Variants in OR51B5 observed in about 807,000 individuals in gnomAD.
OR51B5 encodes olfactory receptor 51B5.
For missense variants in OR51B5, 456 were observed against 374.6 expected, an observed-to-expected ratio of 1.22 and a Z score of -1.79; for synonymous variants, 186 against 144.8, an observed-to-expected ratio of 1.28 and a Z score of -2.04.
intron 1 of OR51B5, among the ~76,000 whole-genome samples, chr11:5,386,702 G>A (rs573830338): frequency 2.6e-5 from 4 of 151,992 alleles, no homozygotes; most frequent in South Asian, 2.1e-4. Flanking sequence ...TTGAATGACA[G>A]GTCAGGCAAG....
At chr11:5,470,170 C>T (rs1851205643) in intron 1 of OR51B5, among the ~76,000 whole-genome samples, 2 of 152,296 alleles carry the variant, frequency 1.3e-5, no homozygotes, top group South Asian at 4.1e-4. Context: ...TTAAATTTGA[C>T]ACTGTGCAAG....
downstream of OR51B5, chr11:5,340,337 TTTTATTTATTATCA>T (rs746603232): frequency 1.3e-5 from 2 of 152,134 alleles, no homozygotes; most frequent in East Asian, 3.9e-4. Context: ...TGAAGATTCT[TTTTATTTATTATCA>T]TTTCTTTATC....
intron 1 of OR51B5, among the ~76,000 whole-genome samples, chr11:5,394,401 A>C (rs1302800813): frequency 6.6e-6 from 1 of 152,186 alleles, no homozygotes; most frequent in East Asian, 1.9e-4. Context: ...AAACCAAAAA[A>C]AACATAAAAT....
At chr11:5,496,292 T>A (rs1694677) in intron 1 of OR51B5, among the ~76,000 whole-genome samples, 149,125 of 151,018 alleles carry the variant, frequency 0.99, 73,662 homozygotes, top group East Asian at 1. Flanking sequence ...AAACTGTGAT[T>A]ATAAATTTTT....
At chr11:5,453,375 A>T in intron 1 of OR51B5, 1 of 672,096 alleles carries the variant, frequency 1.5e-6, no homozygotes, top group Middle Eastern at 3.3e-4. Flanking sequence ...ATTTATGTCA[A>T]CATCATCGCT....
intron 1 of OR51B5, among the ~76,000 whole-genome samples, chr11:5,417,365 G>C (rs1316031146): frequency 6.6e-6 from 1 of 152,002 alleles, no homozygotes; most frequent in South Asian, 2.1e-4. Flanking sequence ...ACATAGGCAA[G>C]GGCAAGGACT....
At chr11:5,497,254 G>A (rs187217916) in intron 1 of OR51B5, among the ~76,000 whole-genome samples, 7 of 152,122 alleles carry the variant, frequency 4.6e-5, no homozygotes, top group Admixed American at 1.3e-4. Flanking sequence ...GTAAAAGCCC[G>A]TCTCTACTAA....
intron 1 of OR51B5, among the ~76,000 whole-genome samples, chr11:5,463,447 A>G (rs1048611021): frequency 2.0e-5 from 3 of 152,230 alleles, no homozygotes; most frequent in African/African-American, 4.8e-5. Flanking sequence ...CCACCTTGAT[A>G]TATCATTTAC....
At chr11:5,352,511 A>T (rs1025212995) in intron 1 of OR51B5, 1 of 976,616 alleles carries the variant, frequency 1.0e-6, no homozygotes, top group African/African-American at 1.6e-5. Context: ...TGTTGCCAGC[A>T]TAAGTAACTA....
At chr11:5,469,084 C>T (rs1430785413) in intron 1 of OR51B5, 2 of 244,112 alleles carry the variant, frequency 8.2e-6, no homozygotes, top group African/African-American at 4.6e-5. Flanking sequence ...GGATGCCAAA[C>T]TCTGTCCAGG....
chr11:5,487,866 G>A (rs1323643375), intron 1 of OR51B5, among the ~76,000 whole-genome samples: 1 of 151,944 alleles, frequency 6.6e-6, no homozygotes, highest in African/African-American at 2.4e-5. Context: ...ACTTCCTTCT[G>A]GTATACCCAT....
chr11:5,377,490 G>T (rs116907551), intron 1 of OR51B5, among the ~76,000 whole-genome samples: 9,635 of 152,122 alleles, frequency 0.063, 348 homozygotes, highest in South Asian at 0.096. Context: ...GGAAAAAAGG[G>T]TATTCAATTA....
intron 1 of OR51B5, among the ~76,000 whole-genome samples, chr11:5,498,073 A>G (rs978716725): frequency 1.3e-5 from 2 of 152,076 alleles, no homozygotes; most frequent in Non-Finnish European, 2.9e-5. Flanking sequence ...AACCTTCACA[A>G]CCTTGGCACA....
At chr11:5,435,293 C>T (rs760225807) in intron 1 of OR51B5, among the ~76,000 whole-genome samples, 2 of 152,192 alleles carry the variant, frequency 1.3e-5, no homozygotes, top group African/African-American at 2.4e-5. Context: ...TGGTCTTAAA[C>T]GTGCTTTCTC....
intron 1 of OR51B5, among the ~76,000 whole-genome samples, chr11:5,351,324 A>C (rs1228211285): frequency 6.6e-6 from 1 of 152,186 alleles, no homozygotes; most frequent in Non-Finnish European, 1.5e-5. Context: ...TATCTTCTTT[A>C]TACATTCTAT....
intron 1 of OR51B5, chr11:5,440,704 G>A: frequency 1.2e-6 from 2 of 1,613,934 alleles, no homozygotes; most frequent in Non-Finnish European, 1.7e-6. Context: ...ACAACAGGTG[G>A]AGCACTTTTC....
At chr11:5,423,182 A>G (rs774300790) in intron 1 of OR51B5, 70 of 1,548,278 alleles carry the variant, frequency 4.5e-5, no homozygotes, top group Non-Finnish European at 7.9e-6. Flanking sequence ...ATTACTGACA[A>G]GTATGAGTCA....
chr11:5,357,484 T>C (rs1005331719), intron 1 of OR51B5, among the ~76,000 whole-genome samples: 2 of 152,062 alleles, frequency 1.3e-5, no homozygotes, highest in African/African-American at 4.8e-5. Flanking sequence ...AGCAAGTCCT[T>C]AGAGACCTAC....
At chr11:5,345,209 G>C (rs1848972439), upstream of OR51B5, among the ~76,000 whole-genome samples, 1 of 152,076 alleles carries the variant, frequency 6.6e-6, no homozygotes. Flanking sequence ...AAATAGTGTG[G>C]TGATATATTC....
Sources: allele counts gnomAD v4.1 joint callset (sites outside exome capture counted in the v4.1 genomes callset), GRCh38; gene constraint gnomAD v4.1.1; transcripts MANE v1.5; gene names NCBI Gene and HGNC (gene_info 2026-07-23, HGNC 2026-07-21).